Variants in LASP1 observed in about 807,000 individuals in gnomAD.
LASP1 encodes LIM and SH3 protein 1.
In LASP1, 10 loss-of-function variants were observed where a neutral mutation model predicts 38.6. That is an observed-to-expected ratio of 0.26 (90% CI 0.16 to 0.44). LASP1 has a LOEUF of 0.44. Among genes scored for constraint, LASP1 ranks in the 20% least tolerant of loss-of-function variants. LASP1 has a pLI of 1.00. For missense variants in LASP1, 243 were observed against 375.7 expected (o/e 0.65, Z 2.92); for synonymous variants, 132 against 140.8 (o/e 0.94, Z 0.44).
At chr17:38,911,919 G>T (rs888722046) in intron 4 of LASP1, among the ~76,000 whole-genome samples, 5 of 152,076 alleles carry the variant, frequency 3.3e-5, no homozygotes, top group African/African-American at 7.2e-5. Flanking sequence ...TCAGCCTCCC[G>T]CGTAGCTGGG....
At position 38,918,707 on chromosome 17, in the gene LASP1, T is replaced by C; in HGVS notation, c.715T>C (p.Trp239Arg). ...CAACGTGCAGCAGATCGACGACGGCTGGATGTACGGGACGGTGGAGCGCAC... is the reference window on the plus strand; with the variant it reads ...CAACGTGCAGCAGATCGACGACGGCCGGATGTACGGGACGGTGGAGCGCAC... ...IVNVQQIDDGWMYGTVERTGD... is the reference protein window; with the variant it reads ...IVNVQQIDDGRMYGTVERTGD... Residue 239 changes from tryptophan to arginine, a missense_variant, in exon 7 of 7, where the codon TGG (tryptophan) becomes CGG (arginine). Trp to Arg is a moderately radical substitution (Grantham distance 101). Around this residue, in one of 4 missense-constraint regions of LASP1, gnomAD observed 165 missense variants for 210.3 expected, o/e 0.78. Transcript: ENST00000318008. This position sits in a 1 kb window ranked among gnomAD's most constrained non-coding sequence, Gnocchi z 4.4. 1 of 1,614,100 alleles carries C rather than the reference T, an allele frequency of 6.2e-7. No individual in the cohort carries two copies. The highest frequency in any genetic ancestry group is 8.5e-7 in the Non-Finnish European group (1 of 1,179,994).
chr17:38,876,091 A>C (rs1207800266), intron 1 of LASP1, among the ~76,000 whole-genome samples: 1 of 151,586 alleles, frequency 6.6e-6, no homozygotes, highest in Non-Finnish European at 1.5e-5. Context: ...TCCTGTTGTC[A>C]TGGGTTTGCC....
intron 2 of LASP1, among the ~76,000 whole-genome samples, chr17:38,880,402 C>G (rs376294656): frequency 6.6e-6 from 1 of 152,224 alleles, no homozygotes; most frequent in African/African-American, 2.4e-5. Flanking sequence ...ACTGGGGGAG[C>G]CAGAAGAGGC....
chr17:38,895,274 T>G (rs2143781378), intron 3 of LASP1, among the ~76,000 whole-genome samples: 1 of 152,050 alleles, frequency 6.6e-6, no homozygotes, highest in Admixed American at 6.6e-5. Context: ...CCTCCTAGAC[T>G]GCTGGGATTA....
chr17:38,918,475 C>G lies in LASP1; in HGVS notation c.613-130C>G, dbSNP rs1679471893. 3 of 874,456 alleles carry G rather than the reference C, an allele frequency of 3.4e-6. No individual in the cohort carries two copies. Among genetic ancestry groups the G allele is most frequent in the Non-Finnish European group, 5.3e-6 (3 of 563,142 alleles). 54.2% of individuals were successfully genotyped at this position (874,456 alleles called of 1,614,324 possible). A position where few individuals can be genotyped will look rare whatever the true frequency, so the allele number is the denominator to read the frequency against. ...GAGGTTAAGAATCTTTGCAGCAGAG[C>G]CTGGTGCTCCATTTCTGAGTTCACT... On this transcript the variant is annotated intron_variant, in intron 6 of 6. Transcript: ENST00000318008. This position sits in a 1 kb window ranked among gnomAD's most constrained non-coding sequence, Gnocchi z 4.4.
At position 38,920,108 on chromosome 17, in the gene LASP1, T is replaced by C. The variant is rs751285922; in HGVS notation, c.*1330T>C. On this transcript the variant is annotated 3_prime_UTR_variant, in exon 7 of 7. Coordinates refer to ENST00000318008, the MANE Select transcript of LASP1 (RefSeq NM_006148.4). ...AAGCCCACCAATCTGCCCTTTGCAGTGTGCAGGGTGGAAGGTAAGAGGTTG... is the reference window on the plus strand; with the variant it reads ...AAGCCCACCAATCTGCCCTTTGCAGCGTGCAGGGTGGAAGGTAAGAGGTTG... 5.6e-6 allele frequency: 3 copies of C among 536,756 alleles called. No individual in the cohort carries two copies. The highest frequency in any genetic ancestry group is 7.8e-5 in the East Asian group (2 of 25,762). 33.2% of individuals were successfully genotyped at this position (536,756 alleles called of 1,614,324 possible).
chr17:38,879,577 T>TC (rs1913881635), intron 2 of LASP1, among the ~76,000 whole-genome samples: 3 of 151,762 alleles, frequency 2.0e-5, no homozygotes, highest in South Asian at 4.2e-4. Context: ...TTTTTTTTTT[T>TC]TCTCTTAATT....
intron 4 of LASP1, among the ~76,000 whole-genome samples, chr17:38,912,377 G>A (rs1914979949): frequency 1.3e-5 from 2 of 152,070 alleles, no homozygotes; most frequent in South Asian, 4.1e-4. Context: ...CAGGGCCAGG[G>A]TGCCACAGGG....
At chr17:38,875,517 G>T (rs1322012866) in intron 1 of LASP1, among the ~76,000 whole-genome samples, 1 of 152,114 alleles carries the variant, frequency 6.6e-6, no homozygotes, top group Non-Finnish European at 1.5e-5. Context: ...TGGGGAGGGG[G>T]CCAAGCTTAG....
intron 2 of LASP1, among the ~76,000 whole-genome samples, chr17:38,881,936 T>C (rs1913963801): frequency 6.6e-6 from 1 of 152,236 alleles, no homozygotes; most frequent in Non-Finnish European, 1.5e-5. Context: ...AAAAGGCCTC[T>C]TCTGTTTCTG....
intron 4 of LASP1, chr17:38,899,112 C>G (rs775648105): frequency 1.5e-5 from 4 of 275,484 alleles, no homozygotes; most frequent in African/African-American, 8.7e-5. Flanking sequence ...TCCCCAGCAT[C>G]GTGTGCCCTC....
intron 4 of LASP1, among the ~76,000 whole-genome samples, chr17:38,905,579 G>A (rs1339421032): frequency 1.3e-5 from 2 of 149,188 alleles, no homozygotes; most frequent in Non-Finnish European, 3.0e-5. Context: ...ACGAGATAAT[G>A]CGGAACTATT....
rs1223186275 is a variant in LASP1, at chr17:38,919,321, C to T, written c.*543C>T. ...CTCTGCCCACCTGGGGTCTCTCTCC[C>T]TACCTCCCTCCTCAGGGGCAACAAC... On this transcript the variant is annotated 3_prime_UTR_variant, in exon 7 of 7. Transcript: ENST00000318008. The T allele has an allele frequency of 1.2e-5, 3 of 241,442 alleles. No individual in the cohort carries two copies. Among genetic ancestry groups the T allele is most frequent in the African/African-American group, 4.4e-5 (2 of 45,406 alleles). 15.0% of individuals were successfully genotyped at this position (241,442 alleles called of 1,614,324 possible).
intron 4 of LASP1, among the ~76,000 whole-genome samples, chr17:38,900,025 C>T (rs1262363335): frequency 6.6e-6 from 1 of 151,536 alleles, no homozygotes; most frequent in Admixed American, 6.6e-5. Flanking sequence ...CCACCGCACC[C>T]GGCCACATTC....
chr17:38,919,489 CCTTT>C lies in LASP1; in HGVS notation c.*715_*718del, dbSNP rs1196464802. 1 of 244,150 alleles carries C rather than the reference CCTTT, an allele frequency of 4.1e-6. No homozygotes were observed. Among genetic ancestry groups the C allele is most frequent in the Admixed American group, 5.0e-5 (1 of 20,106 alleles). The allele number at this position is 244,150 out of a possible 1,614,324, so 15.1% of individuals were successfully genotyped here. On this transcript the variant is annotated 3_prime_UTR_variant, in exon 7 of 7. Transcript: ENST00000318008. ...AAGCACAGCTTGGGTCAGGTTCTTG[CCTTT>C]CTTAATTTTAGGGACAGCTACCGGA...
chr17:38,901,897 C>T lies in LASP1; in HGVS notation c.357+3378C>T, dbSNP rs112885019. ...TCTGCTGCCTCAGCCTCGTGAGTAG[C>T]TGGGACTACAGGCGCCCGCCACCAC... On this transcript the variant is annotated intron_variant, in intron 4 of 6. Transcript: ENST00000318008. 7.5e-3 allele frequency among the ~76,000 whole-genome samples: 1,141 copies of T among 152,136 alleles called. 11 individuals carry two copies. The highest frequency in any genetic ancestry group is 0.026 in the African/African-American group (1,074 of 41,486).
chr17:38,915,316 G>C, intron 6 of LASP1, 170 bp downstream of exon 6: 1 of 579,460 alleles, frequency 1.7e-6, no homozygotes, highest in Non-Finnish European at 3.0e-6. Flanking sequence ...GTGGGCAGAG[G>C]CTGGCTGGGA....
chr17:38,884,023 T>G (rs1056487478), intron 2 of LASP1, among the ~76,000 whole-genome samples: 2 of 143,426 alleles, frequency 1.4e-5, no homozygotes, highest in Non-Finnish European at 3.1e-5. Context: ...GTGGGGGCTG[T>G]TTTTTTTTTT....
chr17:38,896,447 G>A (rs1055797149), intron 3 of LASP1, among the ~76,000 whole-genome samples: 3 of 152,178 alleles, frequency 2.0e-5, no homozygotes, highest in Admixed American at 6.5e-5. Context: ...TATGTTAGCA[G>A]TGAAATGAAT....
Sources: gnomAD v4.1 joint callset for allele counts (sites outside exome capture counted in the v4.1 genomes callset) on GRCh38, gnomAD v4.1.1 for gene constraint, gnomAD v4.1.1 regional missense constraint, Gnocchi (gnomAD v3.1) non-coding constraint, MANE v1.5 for transcripts, NCBI Gene and HGNC (gene_info 2026-07-23, HGNC 2026-07-21) for gene names.